MYH7: variants seen among roughly 807,000 people sequenced by gnomAD.
MYH7 encodes myosin-7.
Under a neutral mutation model 225.4 loss-of-function variants are expected in MYH7, and 129 were observed. The ratio of observed to expected loss-of-function variants is 0.57; its 90% CI spans 0.50 to 0.66. MYH7 has a LOEUF of 0.66. MYH7 is among the 30% of genes least tolerant of loss of function. MYH7 has a pLI of 0.00. For missense variants in MYH7, 1,649 were observed against 2,517.0 expected, an observed-to-expected ratio of 0.66 and a Z score of 7.38; for synonymous variants, 971 against 1,007.6, an observed-to-expected ratio of 0.96 and a Z score of 0.69.
At chr14:23,420,298 T>C in intron 26 of MYH7, 64 bp from the exon 27 acceptor site, 1 of 1,578,660 alleles carries the variant, frequency 6.3e-7, no homozygotes, top group South Asian at 1.1e-5. Context: ...CCCCCGGCTC[T>C]AAAAGGCTCT....
At position 23,426,998 on chromosome 14, in the gene MYH7, G is replaced by T. The variant is rs2754161; in HGVS notation, c.1957-134C>A. 1.0e-5 allele frequency: 9 copies of T among 896,990 alleles called. No homozygotes were observed. The African/African-American group carries it at 1.5e-4, about 15-fold the overall frequency. 55.6% of individuals were successfully genotyped at this position (896,990 alleles called of 1,614,324 possible). On this transcript the variant is annotated intron_variant, in intron 17 of 39. Coordinates refer to ENST00000355349, the MANE Select transcript of MYH7 (RefSeq NM_000257.4). ...TCACAGAGATGAAGGGGCCCTGGGG[G>T]CAGACAGGGATAAGGAGAGAGGGTG...
chr14:23,434,305 C>G (rs1266838155), intron 1 of MYH7, 56 bp from the exon 2 acceptor site: 1 of 985,338 alleles, frequency 1.0e-6, no homozygotes, highest in African/African-American at 1.8e-5. Context: ...TGACCAGTCC[C>G]ACCTTCCTGC....
rs1892125211 is a variant in MYH7, at chr14:23,415,011, T to C, written c.5543A>G (p.Lys1848Arg). ...KGMRKSERRI[K>R]ELTYQTEEDR... Reference sequence around the variant, plus strand: ...CCGTCGCACCTGGTAGGTGAGCTCCTTGATGCGCCGCTCGCTCTTCCTCAT... The same window carrying C: ...CCGTCGCACCTGGTAGGTGAGCTCCCTGATGCGCCGCTCGCTCTTCCTCAT... Residue 1848 changes from lysine (K) to arginine (R), a missense_variant, in exon 37 of 40, where the codon AAG becomes AGG. Transcript: ENST00000355349. The surrounding 1 kb of genome is among the most constrained non-coding windows in gnomAD (Gnocchi z 6.3). 1.2e-6 allele frequency: 2 copies of C among 1,608,812 alleles called. No homozygotes were observed. Among genetic ancestry groups the C allele is most frequent in the East Asian group, 2.2e-5 (1 of 44,878 alleles).
chr14:23,419,244 G>T lies in MYH7; in HGVS notation c.3905C>A (p.Thr1302Asn). 1 of 1,614,138 alleles carries T rather than the reference G, an allele frequency of 6.2e-7. No individual in the cohort carries two copies. The change falls in exon 29 of 40, where the codon ACC becomes AAC. Residue 1302 changes from threonine (T) to asparagine (N), a missense_variant. Physicochemically the swap from Thr to Asn is moderately conservative, Grantham distance 65 (BLOSUM62 0). This residue lies in a region of MYH7 where 687 missense variants were observed against 913.8 expected (regional missense o/e 0.75). Coordinates refer to ENST00000355349, the MANE Select transcript of MYH7 (RefSeq NM_000257.4). ...CTGGGTGTAGGTGAGCTTGCCTCGG[G>T]TCAGCTGGGAGATCAGTGCCTCCTT... The part of the protein sequence containing the change: ...DEKEALISQL[T>N]RGKLTYTQQL...
chr14:23,418,352 G>C lies in MYH7; in HGVS notation c.4027C>G (p.Leu1343Val). 1.9e-6 allele frequency: 3 copies of C among 1,613,918 alleles called. No homozygotes were observed. Among genetic ancestry groups the C allele is most frequent in the Non-Finnish European group, 2.5e-6 (3 of 1,179,962 alleles). ...GTCTCCTCCTCGTACTGCTCCCGCA[G>C]CAGGTCGCAGTCATGCCGGGCCGAC... ...LQSARHDCDL[L>V]REQYEEETEA... Residue 1343 changes from leucine to valine, a missense_variant, in exon 30 of 40, where the codon CTG becomes GTG. Coordinates refer to ENST00000355349, the MANE Select transcript of MYH7 (RefSeq NM_000257.4).
intron 39 of MYH7, 64 bp downstream of exon 39, chr14:23,413,695 A>G: frequency 6.2e-7 from 1 of 1,608,738 alleles, no homozygotes; most frequent in African/African-American, 1.3e-5. Flanking sequence ...CCCGGGTTTG[A>G]GGGTGCTCTG....
chr14:23,421,653 T>C (rs1374244950), intron 25 of MYH7: 1 of 709,256 alleles, frequency 1.4e-6, no homozygotes, highest in Non-Finnish European at 1.7e-6. Context: ...TCAAAATATG[T>C]TCTGCAAGCT....
At chr14:23,430,705 G>C (rs761194748) in intron 10 of MYH7, 42 bp from the exon 11 acceptor site, 2 of 1,546,010 alleles carry the variant, frequency 1.3e-6, no homozygotes, top group Non-Finnish European at 1.8e-6. Flanking sequence ...CAAGCCCCCG[G>C]CTCTCATGGA....
In MYH7 at chr14:23,416,350, T is replaced by C. The variant is rs775613023; in HGVS notation, c.4645-38A>G. 33 of 1,603,100 alleles carry C rather than the reference T, an allele frequency of 2.1e-5. 2 individuals carry two copies. Among genetic ancestry groups the C allele is most frequent in the Non-Finnish European group, 2.6e-5 (31 of 1,173,694 alleles). On this transcript the variant is annotated intron_variant, in intron 33 of 39. Transcript: ENST00000355349. ...TGGGGGAGGGGATGCAGGCAGACAG[T>C]CAGGGCACAGGGCAGGGTGGGGGCC...
intron 1 of MYH7, among the ~76,000 whole-genome samples, chr14:23,435,098 C>G (rs1307396228): frequency 1.3e-5 from 2 of 152,072 alleles, no homozygotes; most frequent in African/African-American, 2.4e-5. Context: ...GCAGAGGGTA[C>G]AGATACTATA....
chr14:23,416,730 A>C (rs1012777063), intron 33 of MYH7, 138 bp downstream of exon 33: 2 of 1,344,632 alleles, frequency 1.5e-6, no homozygotes, highest in Non-Finnish European at 2.1e-6. Context: ...TCTTCACTGA[A>C]TGCCTACTAT....
rs45476496 is a variant in MYH7 at position 23,416,232 on chromosome 14, C to A, written c.4725G>T (p.Lys1575Asn). The A allele has an allele frequency of 6.2e-7, 1 of 1,614,076 alleles. No homozygotes were observed. The highest frequency in any genetic ancestry group is 1.7e-5 in the Admixed American group (1 of 60,022). The change falls in exon 34 of 40, where the codon AAG becomes AAT. Residue 1575 changes from lysine to asparagine, a missense_variant. Around this residue, in one of 12 missense-constraint regions of MYH7, gnomAD observed 687 missense variants for 913.8 expected, o/e 0.75. Coordinates refer to ENST00000355349, the MANE Select transcript of MYH7 (RefSeq NM_000257.4). ...CCATCTCCTCGTCCTTCTCTGCCAG[C>A]TTCCGCTCGATCTCTGCCTTGATCT... is the stretch of plus-strand genomic sequence containing the variant. ...FNQIKAEIER[K>N]LAEKDEEMEQ...
At chr14:23,414,596 T>G (rs1368838259) in intron 37 of MYH7, among the ~76,000 whole-genome samples, 1 of 152,166 alleles carries the variant, frequency 6.6e-6, no homozygotes, top group Non-Finnish European at 1.5e-5. Context: ...AGAAAACACC[T>G]CAGAAAGCTA....
In MYH7 at chr14:23,414,075, G is replaced by T; in HGVS notation, c.5587C>A (p.Arg1863=). 1.2e-6 allele frequency: 2 copies of T among 1,613,624 alleles called. No individual in the cohort carries two copies. Among genetic ancestry groups the T allele is most frequent in the South Asian group, 1.1e-5 (1 of 91,078 alleles). The change falls in exon 38 of 40, where the codon CGG becomes AGG. Residue 1863 remains arginine, a synonymous_variant. Coordinates refer to ENST00000355349, the MANE Select transcript of MYH7 (RefSeq NM_000257.4). The stretch of plus-strand genomic sequence containing the variant: ...AGCTTGTCTACCAGGTCCTGCAGCC[G>T]CAGCAGGTTTTTCCTGTCCTCCTCC... ...QTEEDRKNLL[R]LQDLVDKLQL... is the part of the protein sequence containing the mutation.
At position 23,416,057 on chromosome 14, in the gene MYH7, G is replaced by A. The variant is rs397516232; in HGVS notation, c.4900C>T (p.Arg1634Cys). 1.4e-5 allele frequency: 22 copies of A among 1,614,086 alleles called. No individual in the cohort carries two copies. Among genetic ancestry groups the A allele is most frequent in the Non-Finnish European group, 1.7e-5 (20 of 1,180,050 alleles). Residue 1634 changes from arginine (R) to cysteine (C), a missense_variant, in exon 34 of 40, where the codon CGC becomes TGC. Coordinates refer to ENST00000355349, the MANE Select transcript of MYH7 (RefSeq NM_000257.4). ...EMEIQLSHAN[R>C]MAAEAQKQVK... ...TGCTTCTGGGCCTCGGCGGCCATGCGGTTGGCGTGGCTGAGCTGGATCTCC... is the reference window on the plus strand; with the variant it reads ...TGCTTCTGGGCCTCGGCGGCCATGCAGTTGGCGTGGCTGAGCTGGATCTCC...
At position 23,427,585 on chromosome 14, in the gene MYH7, G is replaced by A. The variant is rs397516124; in HGVS notation, c.1888C>T (p.Pro630Ser). The A allele has an allele frequency of 1.2e-5, 19 of 1,613,846 alleles. No homozygotes were observed. The highest frequency in any genetic ancestry group is 1.5e-5 in the Non-Finnish European group (18 of 1,179,992). Residue 630 changes from proline to serine, a missense_variant and splice_region_variant, in exon 16 of 40, where the codon CCT (proline) becomes TCT (serine). By Grantham distance (74) the Pro-to-Ser change is moderately conservative. Transcript: ENST00000355349. Reference sequence around the variant, plus strand: ...ACCGGGAGCCTCAGTCCCTACTTACGCGCATCAGCCCCAGCATAGTTGGCA... The same window carrying A: ...ACCGGGAGCCTCAGTCCCTACTTACACGCATCAGCCCCAGCATAGTTGGCA... ...LFANYAGADA[P>S]IEKGKGKAKK...
chr14:23,422,452 C>T, intron 24 of MYH7, 127 bp from the exon 25 acceptor site: 1 of 1,269,612 alleles, frequency 7.9e-7, no homozygotes, highest in South Asian at 1.3e-5. Context: ...CCAGAGTGGG[C>T]CAAATGTTAT....
rs1057522495 is a variant in MYH7, at chr14:23,434,209, G to A, written c.-24C>T. On this transcript the variant is annotated 5_prime_UTR_variant, in exon 2 of 40. Transcript: ENST00000355349. Reference sequence around the variant, plus strand: ...CTTTTCTTACCTGGGCTACTCAAGTGTGTCTACAGATGAGGAAAGGGGCCA... The same window carrying A: ...CTTTTCTTACCTGGGCTACTCAAGTATGTCTACAGATGAGGAAAGGGGCCA... The A allele has an allele frequency of 3.8e-6, 4 of 1,054,220 alleles. No homozygotes were observed. Among genetic ancestry groups the A allele is most frequent in the Admixed American group, 5.0e-5 (1 of 20,080 alleles). The allele number at this position is 1,054,220 out of a possible 1,614,324, so 65.3% of individuals were successfully genotyped here. A position where few individuals can be genotyped will look rare whatever the true frequency, so the allele number is the denominator to read the frequency against.
chr14:23,415,521 G>A lies in MYH7; in HGVS notation c.5158-15C>T, dbSNP rs369453980. On this transcript the variant is annotated splice_polypyrimidine_tract_variant and intron_variant, in intron 35 of 39. Coordinates refer to ENST00000355349, the MANE Select transcript of MYH7 (RefSeq NM_000257.4). This position sits in a 1 kb window ranked among gnomAD's most constrained non-coding sequence, Gnocchi z 6.3. ...AGGCTGGTGTTCTGGGTTGGGGGAG[G>A]GTTGGGCAGAGCAGGAAAAGCATTG... 3.1e-6 allele frequency: 5 copies of A among 1,614,068 alleles called. No individual in the cohort carries two copies. In the African/African-American group the frequency reaches 6.7e-5, roughly 22 times the overall value.
Sources: gnomAD v4.1 joint callset for allele counts (sites outside exome capture counted in the v4.1 genomes callset) on GRCh38, gnomAD v4.1.1 for gene constraint, gnomAD v4.1.1 regional missense constraint, Gnocchi (gnomAD v3.1) non-coding constraint, MANE v1.5 for transcripts, NCBI Gene and HGNC (gene_info 2026-07-23, HGNC 2026-07-21) for gene names.